TP63: variants seen among roughly 807,000 people sequenced by gnomAD.
TP63 encodes the protein tumor protein 63.
A neutral mutation model predicts 82.8 loss-of-function variants in TP63; 17 were observed. The observed-to-expected ratio is 0.21, with a 90% CI of 0.14 to 0.31. The LOEUF (loss-of-function observed/expected upper bound fraction) is 0.31. Ranked by LOEUF, TP63 falls within the 10% of genes least tolerant of loss-of-function variation. TP63 has a pLI of 1.00. For missense variants in TP63, 648 were observed against 895.3 expected, an observed-to-expected ratio of 0.72 and a Z score of 3.52; for synonymous variants, 330 against 321.7, an observed-to-expected ratio of 1.03 and a Z score of -0.28.
intron 3 of TP63, among the ~76,000 whole-genome samples, chr3:189,778,078 G>C (rs987956558): frequency 6.6e-6 from 1 of 151,956 alleles, no homozygotes; most frequent in Admixed American, 6.6e-5. Context: ...TCCAGCCATG[G>C]CTGGTCTCGA....
At chr3:189,873,090 T>C in intron 10 of TP63, 95 bp downstream of exon 10, 1 of 1,582,832 alleles carries the variant, frequency 6.3e-7, no homozygotes. Context: ...TGGAACATAA[T>C]GGGAGATAGC....
At chr3:189,719,790 TC>T (rs1719243678) in intron 1 of TP63, among the ~76,000 whole-genome samples, 1 of 152,220 alleles carries the variant, frequency 6.6e-6, no homozygotes, top group Non-Finnish European at 1.5e-5. Flanking sequence ...TGAGCGCTTT[TC>T]TTTGGAATTA....
chr3:189,849,645 CAT>C (rs998600901), intron 4 of TP63, among the ~76,000 whole-genome samples: 7 of 151,958 alleles, frequency 4.6e-5, no homozygotes, highest in Admixed American at 6.5e-5. Flanking sequence ...TTTTTCAAGA[CAT>C]GTGTCACAAT....
intron 1 of TP63, among the ~76,000 whole-genome samples, chr3:189,733,170 A>G (rs545313739): frequency 4.6e-5 from 7 of 152,348 alleles, no homozygotes; most frequent in Non-Finnish European, 7.3e-5. Flanking sequence ...AACAAAAAAA[A>G]TAACAAAGTA....
chr3:189,881,444 G>T (rs1285484922), intron 10 of TP63: 2 of 985,186 alleles, frequency 2.0e-6, no homozygotes, highest in Non-Finnish European at 2.4e-6. Flanking sequence ...TGAGGCTGTT[G>T]CTTTTGTGGA....
At chr3:189,668,646 C>G (rs942752739) in intron 1 of TP63, among the ~76,000 whole-genome samples, 1 of 152,024 alleles carries the variant, frequency 6.6e-6, no homozygotes, top group African/African-American at 2.4e-5. Flanking sequence ...AGGACAATAT[C>G]AAAGGATCTT....
chr3:189,746,006 A>G (rs1721346513), intron 3 of TP63, among the ~76,000 whole-genome samples: 2 of 152,128 alleles, frequency 1.3e-5, no homozygotes, highest in African/African-American at 2.4e-5. Flanking sequence ...TAACAAAATA[A>G]TTCATAAAAA....
At chr3:189,636,306 A>G (rs1185671360) in intron 1 of TP63, among the ~76,000 whole-genome samples, 4 of 152,158 alleles carry the variant, frequency 2.6e-5, no homozygotes, top group Admixed American at 6.6e-5. Flanking sequence ...TGTAGTAAGT[A>G]AACTCCACCA....
intron 1 of TP63, among the ~76,000 whole-genome samples, chr3:189,731,310 C>T (rs1720155945): frequency 6.6e-6 from 1 of 151,688 alleles, no homozygotes; most frequent in African/African-American, 2.4e-5. Context: ...TGCCACAAGA[C>T]TCCAGGCTGA....
intron 1 of TP63, among the ~76,000 whole-genome samples, chr3:189,641,752 TC>T (rs1459061526): frequency 6.6e-6 from 1 of 152,178 alleles, no homozygotes; most frequent in East Asian, 1.9e-4. Context: ...TTGAATTATT[TC>T]CTTGGGATAG....
chr3:189,678,594 G>A (rs1041623749), intron 1 of TP63, among the ~76,000 whole-genome samples: 12 of 151,690 alleles, frequency 7.9e-5, no homozygotes, highest in Non-Finnish European at 1.3e-4. Flanking sequence ...TATAAATTTC[G>A]GGTTTGTTTT....
chr3:189,639,767 G>A (rs949605271), intron 1 of TP63, among the ~76,000 whole-genome samples: 9 of 152,014 alleles, frequency 5.9e-5, no homozygotes, highest in South Asian at 2.1e-4. Flanking sequence ...CCATATGGCC[G>A]GCTAGAAAAG....
intron 1 of TP63, among the ~76,000 whole-genome samples, chr3:189,651,272 G>A (rs1219776873): frequency 6.8e-6 from 1 of 147,116 alleles, no homozygotes; most frequent in Non-Finnish European, 1.5e-5. Flanking sequence ...AGAGCCAGGT[G>A]CAGTGGCTCA....
chr3:189,698,654 G>A (rs758770238), intron 1 of TP63, among the ~76,000 whole-genome samples: 26 of 152,024 alleles, frequency 1.7e-4, no homozygotes, highest in African/African-American at 2.2e-4. Context: ...GCTTATACAT[G>A]TATGTTCTTA....
At chr3:189,848,272 T>TCTCTC (rs1279828077) in intron 4 of TP63, among the ~76,000 whole-genome samples, 25 of 148,530 alleles carry the variant, frequency 1.7e-4, no homozygotes, top group South Asian at 4.3e-4. Flanking sequence ...TCTCTCTCTG[T>TCTCTC]TGCCTAGGCT....
intron 4 of TP63, among the ~76,000 whole-genome samples, chr3:189,827,443 A>G (rs1363703708): frequency 1.3e-5 from 2 of 152,214 alleles, no homozygotes; most frequent in Non-Finnish European, 2.9e-5. Context: ...GCTGGCACAT[A>G]TAATGGGTCT....
At chr3:189,688,661 A>T (rs1001199381) in intron 1 of TP63, among the ~76,000 whole-genome samples, 2 of 152,124 alleles carry the variant, frequency 1.3e-5, no homozygotes, top group Non-Finnish European at 2.9e-5. Context: ...TTGGTAAGGG[A>T]GCTGATAAAA....
intron 4 of TP63, among the ~76,000 whole-genome samples, chr3:189,821,936 G>C (rs1472399085): frequency 6.6e-6 from 1 of 152,146 alleles, no homozygotes; most frequent in Non-Finnish European, 1.5e-5. Context: ...CTTGAAAGCA[G>C]GGACTATGGC....
At chr3:189,778,958 T>C (rs931487935) in intron 3 of TP63, among the ~76,000 whole-genome samples, 2 of 152,226 alleles carry the variant, frequency 1.3e-5, no homozygotes, top group Non-Finnish European at 2.9e-5. Flanking sequence ...ATTTTTTATT[T>C]TGCTGAAGCC....
Sources: allele counts gnomAD v4.1 joint callset (sites outside exome capture counted in the v4.1 genomes callset), GRCh38; gene constraint gnomAD v4.1.1; transcripts MANE v1.5; gene names NCBI Gene and HGNC (gene_info 2026-07-23, HGNC 2026-07-21).